Variants in DNAH10 observed in about 807,000 individuals in gnomAD.
DNAH10 encodes axonemal beta dynein heavy chain 10.
Under a neutral mutation model 506.6 loss-of-function variants are expected in DNAH10, and 348 were observed. The observed-to-expected ratio is 0.69, with a 90% CI of 0.63 to 0.75. The LOEUF (loss-of-function observed/expected upper bound fraction) is 0.75. Ranked by LOEUF, DNAH10 falls within the 30% of genes least tolerant of loss-of-function variation. The pLI, the probability that DNAH10 is intolerant of heterozygous loss-of-function variation, is 0.00. For missense variants in DNAH10, 5,179 were observed against 5,787.1 expected (o/e 0.89, Z 3.41); for synonymous variants, 2,059 against 2,198.6 (o/e 0.94, Z 1.78).
chr12:123,906,531 C>T (rs1171147081), intron 57 of DNAH10, among the ~76,000 whole-genome samples: 3 of 152,130 alleles, frequency 2.0e-5, no homozygotes, highest in Non-Finnish European at 4.4e-5. Context: ...CATGAGCCAC[C>T]GCACCCGACC....
intron 1 of DNAH10, among the ~76,000 whole-genome samples, chr12:123,766,108 GTC>G (rs1957038053): frequency 1.0e-5 from 1 of 95,398 alleles, no homozygotes; most frequent in South Asian, 3.5e-4. Flanking sequence ...CTATACATCT[GTC>G]TGTCTATCTA....
At chr12:123,826,665 G>A (rs1372917499) in intron 24 of DNAH10, 22 bp from the exon 25 acceptor site, 19 of 1,608,674 alleles carry the variant, frequency 1.2e-5, no homozygotes, top group Non-Finnish European at 1.4e-5. Context: ...TGTTGATGGA[G>A]CTGTTCCTTG....
chr12:123,908,886 A>G (rs146451003), intron 57 of DNAH10, among the ~76,000 whole-genome samples: 1 of 152,186 alleles, frequency 6.6e-6, no homozygotes, highest in African/African-American at 2.4e-5. Context: ...TGATGATGAT[A>G]ATGACAATAA....
At chr12:123,837,581 CT>C (rs558570026) in intron 28 of DNAH10, among the ~76,000 whole-genome samples, 204 of 141,402 alleles carry the variant, frequency 1.4e-3, no homozygotes, top group Non-Finnish European at 1.5e-3. Flanking sequence ...TATGATTGTT[CT>C]TTTTTTTTTT....
chr12:123,909,565 T>A lies in DNAH10; in HGVS notation c.9997+123T>A, dbSNP rs894940710. On this transcript the variant is annotated intron_variant, in intron 58 of 78. Transcript: ENST00000673944. This position sits in a 1 kb window ranked among gnomAD's most constrained non-coding sequence, Gnocchi z 5.4. ...AGGCCCTCCCCTTCTGGTCAGATGG[T>A]ATCGGATGGAACAGGCAACTGATGG... 6.4e-6 allele frequency: 8 copies of A among 1,256,130 alleles called. No individual in the cohort carries two copies. Among genetic ancestry groups the A allele is most frequent in the Non-Finnish European group, 8.6e-6 (8 of 931,078 alleles). The allele number at this position is 1,256,130 out of a possible 1,614,324, so 77.8% of individuals were successfully genotyped here.
At chr12:123,766,198 C>T (rs921581521) in intron 1 of DNAH10, among the ~76,000 whole-genome samples, 3 of 151,866 alleles carry the variant, frequency 2.0e-5, no homozygotes, top group African/African-American at 7.3e-5. Context: ...TATCTATGTA[C>T]CTACCTACAT....
At chr12:123,830,231 G>C (rs558855903) in intron 25 of DNAH10, among the ~76,000 whole-genome samples, 1 of 152,292 alleles carries the variant, frequency 6.6e-6, no homozygotes, top group Admixed American at 6.5e-5. Flanking sequence ...TTCAACAGAG[G>C]TTGAGGTCAT....
intron 64 of DNAH10, 148 bp from the exon 65 acceptor site, chr12:123,918,528 G>A (rs1399243463): frequency 2.2e-6 from 2 of 905,180 alleles, no homozygotes; most frequent in East Asian, 5.5e-5. Context: ...TCCTACAAGA[G>A]GGTGGGTGCC....
In DNAH10 at chr12:123,925,162, A is replaced by G. The variant is rs780392676; in HGVS notation, c.11879A>G (p.Tyr3960Cys). Residue 3960 changes from tyrosine to cysteine, a missense_variant, in exon 68 of 79, where the codon TAT (tyrosine) becomes TGT (cysteine). Tyr to Cys is a radical substitution (Grantham distance 194). Around this residue, in one of 3 missense-constraint regions of DNAH10, gnomAD observed 4,844 missense variants for 5,430.5 expected, o/e 0.89. Coordinates refer to ENST00000673944, the MANE Select transcript of DNAH10 (RefSeq NM_001372106.1). The surrounding 1 kb of genome is among the most constrained non-coding windows in gnomAD (Gnocchi z 4.0). ...CGCTGTTTCCGTGTGGATCGGGTCT[A>G]TCGGGCCGTGACTGACTATGTGACT... ...ILRCFRVDRV[Y>C]RAVTDYVTVT... The G allele has an allele frequency of 5.6e-6, 9 of 1,613,444 alleles. No homozygotes were observed. The highest frequency in any genetic ancestry group is 2.2e-5 in the East Asian group (1 of 44,842).
At chr12:123,848,633 C>T in intron 33 of DNAH10, 97 bp from the exon 34 acceptor site, 1 of 1,484,646 alleles carries the variant, frequency 6.7e-7, no homozygotes, top group South Asian at 1.3e-5. Context: ...TCAGTGATCT[C>T]ATTGTTTGCT....
At chr12:123,848,403 A>G (rs900080108) in intron 33 of DNAH10, among the ~76,000 whole-genome samples, 1 of 152,214 alleles carries the variant, frequency 6.6e-6, no homozygotes, top group Non-Finnish European at 1.5e-5. Flanking sequence ...GTCCATCTAA[A>G]GAGGGTGCCC....
chr12:123,929,468 A>T lies in DNAH10; in HGVS notation c.12500A>T (p.Asn4167Ile). The T allele has an allele frequency of 6.2e-7, 1 of 1,613,358 alleles. No individual in the cohort carries two copies. The highest frequency in any genetic ancestry group is 8.5e-7 in the Non-Finnish European group (1 of 1,179,712). The change falls in exon 71 of 79, where the codon AAT becomes ATT. Residue 4167 changes from asparagine to isoleucine, a missense_variant. By Grantham distance (149) the Asn-to-Ile change is moderately radical (BLOSUM62 -3). Around this residue, in one of 3 missense-constraint regions of DNAH10, gnomAD observed 4,844 missense variants for 5,430.5 expected, o/e 0.89. Coordinates refer to ENST00000673944, the MANE Select transcript of DNAH10 (RefSeq NM_001372106.1). ...KIGWNVYYDF[N>I]ESDFQVCMEI... ...GGCTGGAACGTGTACTATGACTTCAATGAGTCTGACTTCCAGGTGACAGTG... is the reference window on the plus strand; with the variant it reads ...GGCTGGAACGTGTACTATGACTTCATTGAGTCTGACTTCCAGGTGACAGTG...
intron 64 of DNAH10, 45 bp from the exon 65 acceptor site, chr12:123,918,631 C>T: frequency 1.3e-6 from 2 of 1,527,884 alleles, no homozygotes; most frequent in Non-Finnish European, 1.8e-6. Flanking sequence ...CCTCTGCCCA[C>T]ATCTCAGTCT....
chr12:123,916,585 TA>T lies in DNAH10; in HGVS notation c.10852del (p.Ile3618Ter). 6.2e-7 allele frequency: 1 copy of T among 1,613,696 alleles called. No individual in the cohort carries two copies. The highest frequency in any genetic ancestry group is 8.5e-7 in the Non-Finnish European group (1 of 1,179,834). On this transcript the variant is annotated frameshift_variant, in exon 63 of 79. Coordinates refer to ENST00000673944, the MANE Select transcript of DNAH10 (RefSeq NM_001372106.1). LOFTEE classifies it high-confidence loss of function. This position sits in a 1 kb window ranked among gnomAD's most constrained non-coding sequence, Gnocchi z 4.6. Reference protein sequence around the residue: ...PVIDNVLEKNIKVSQGRQFII... With the variant: ...PVIDNVLEKNXKVSQGRQFII... ...TGATTGACAACGTCTTAGAAAAAAA[TA>T]TAAAAGTCTCCCAAGGACGGCAGTT... is the stretch of plus-strand genomic sequence containing the variant.
chr12:123,935,506 A>T lies in DNAH10; in HGVS notation c.*25A>T. On this transcript the variant is annotated 3_prime_UTR_variant, in exon 79 of 79. Coordinates refer to ENST00000673944, the MANE Select transcript of DNAH10 (RefSeq NM_001372106.1). ...ACCTTTGGGTGAAGAAAACTGCTTA[A>T]TGAATTCGGAGCCTGGGGTTGTCAG... The T allele has an allele frequency of 6.4e-7, 1 of 1,559,906 alleles. No individual in the cohort carries two copies. Among genetic ancestry groups the T allele is most frequent in the South Asian group, 1.1e-5 (1 of 87,188 alleles).
At chr12:123,788,025 C>T (rs749377912) in intron 10 of DNAH10, 23 bp downstream of exon 10, 4 of 1,552,596 alleles carry the variant, frequency 2.6e-6, no homozygotes, top group South Asian at 2.4e-5. Context: ...CGAAGGCCGG[C>T]GGAATTTGCC....
rs1472180354 is a variant in DNAH10 at position 123,916,762 on chromosome 12, C to G, written c.11002+26C>G. The stretch of plus-strand genomic sequence containing the variant: ...GTAAGAATGTGTAGAACCTCCACTG[C>G]TAATTCAGATGGTTATGAGGGAGAC... On this transcript the variant is annotated intron_variant, in intron 63 of 78. Coordinates refer to ENST00000673944, the MANE Select transcript of DNAH10 (RefSeq NM_001372106.1). The surrounding 1 kb of genome is among the most constrained non-coding windows in gnomAD (Gnocchi z 4.6). The G allele has an allele frequency of 6.3e-7, 1 of 1,582,440 alleles. No individual in the cohort carries two copies. The highest frequency in any genetic ancestry group is 8.6e-7 in the Non-Finnish European group (1 of 1,164,372).
At chr12:123,783,389 C>A in intron 7 of DNAH10, 125 bp downstream of exon 7, 1 of 1,172,968 alleles carries the variant, frequency 8.5e-7, no homozygotes, top group Non-Finnish European at 1.2e-6. Flanking sequence ...CTTCCTTAAG[C>A]CATCAAAATA....
Position 123,914,397 on chromosome 12 carries a change from C to A in DNAH10, c.10421C>A (p.Ala3474Glu), listed in dbSNP as rs754218802. ...VKLLGDCLLC[A>E]AFLSYEGAFT... ...CTGCTGGGGGACTGCCTGCTCTGCG[C>A]GGCTTTCCTCAGCTACGAGGGAGCC... is the stretch of plus-strand genomic sequence containing the variant. The change falls in exon 61 of 79, where the codon GCG becomes GAG. Residue 3474 changes from alanine (A) to glutamate (E), a missense_variant. Ala to Glu is a moderately radical substitution (Grantham distance 107). Coordinates refer to ENST00000673944, the MANE Select transcript of DNAH10 (RefSeq NM_001372106.1). 6.2e-7 allele frequency: 1 copy of A among 1,613,508 alleles called. No individual in the cohort carries two copies. Among genetic ancestry groups the A allele is most frequent in the Non-Finnish European group, 8.5e-7 (1 of 1,179,902 alleles).
Sources: gnomAD v4.1 joint callset for allele counts (sites outside exome capture counted in the v4.1 genomes callset) on GRCh38, gnomAD v4.1.1 for gene constraint, gnomAD v4.1.1 regional missense constraint, Gnocchi (gnomAD v3.1) non-coding constraint, MANE v1.5 for transcripts, NCBI Gene and HGNC (gene_info 2026-07-23, HGNC 2026-07-21) for gene names.